CAMTA1: variants seen among roughly 807,000 people sequenced by gnomAD.
CAMTA1 encodes calmodulin-binding transcription activator 1.
In CAMTA1, 27 loss-of-function variants were observed where a neutral mutation model predicts 170.9. That is an observed-to-expected ratio of 0.16 (90% confidence interval 0.12 to 0.22). The LOEUF (loss-of-function observed/expected upper bound fraction) is 0.22. Ranked by LOEUF, CAMTA1 falls within the 10% of genes least tolerant of loss-of-function variation. The pLI is 1.00. For synonymous variants in CAMTA1, 833 were observed against 891.5 expected, an observed-to-expected ratio of 0.93 and a Z score of 1.17; for missense variants, 1,619 against 2,217.2, an observed-to-expected ratio of 0.73 and a Z score of 5.42.
In CAMTA1 at chr1:7,704,788, C is replaced by T. The variant is rs910261131; in HGVS notation, c.2914+27055C>T. The stretch of plus-strand genomic sequence containing the variant: ...TGCGGCGAGTGGAGCTGAGCGGGCG[C>T]GGGGCCGGGCTGGGCCGGGCCGGGC... On this transcript the variant is annotated intron_variant, in intron 11 of 22. Transcript: ENST00000303635. Among the ~76,000 whole-genome samples, 1,320 of 147,560 alleles carry T rather than the reference C, an allele frequency of 8.9e-3. 13 individuals carry two copies. The highest frequency in any genetic ancestry group is 0.029 in the African/African-American group (1,193 of 40,778).
At chr1:7,029,995 G>C (rs1702571980) in intron 3 of CAMTA1, among the ~76,000 whole-genome samples, 1 of 152,184 alleles carries the variant, frequency 6.6e-6, no homozygotes. Flanking sequence ...CCTTCAGTCT[G>C]TTTTGGTATG....
Position 7,732,513 on chromosome 1 carries a change from A to G in CAMTA1, c.2980A>G (p.Thr994Ala). 6.2e-7 allele frequency: 1 copy of G among 1,613,938 alleles called. No homozygotes were observed. ...GATGGAGAGGAGGATGGCCGAGATG[A>G]CGGGGTCCCAGCAGCACAAACAGGC... is the stretch of plus-strand genomic sequence containing the variant. ...EQMERRMAEMTGSQQHKQASG... is the reference protein window; with the variant it reads ...EQMERRMAEMAGSQQHKQASG... The change falls in exon 12 of 23, where the codon ACG becomes GCG. Residue 994 changes from threonine (T) to alanine (A), a missense_variant. This residue lies in a region of CAMTA1 where 143 missense variants were observed against 184.2 expected (regional missense o/e 0.78). Transcript: ENST00000303635. The surrounding 1 kb of genome is among the most constrained non-coding windows in gnomAD (Gnocchi z 4.1).
chr1:7,524,086 C>T (rs2094401757), intron 6 of CAMTA1, among the ~76,000 whole-genome samples: 1 of 151,554 alleles, frequency 6.6e-6, no homozygotes, highest in South Asian at 2.1e-4. Flanking sequence ...CCTGTAGTCC[C>T]AGCTACTTGG....
At chr1:7,449,400 C>T (rs955781784) in intron 5 of CAMTA1, among the ~76,000 whole-genome samples, 3 of 152,208 alleles carry the variant, frequency 2.0e-5, no homozygotes, top group Non-Finnish European at 2.9e-5. Flanking sequence ...GGCAAGGATG[C>T]TGGCAGCGTG....
Position 7,641,451 on chromosome 1 carries a change from A to T in CAMTA1, c.664+898A>T, listed in dbSNP as rs1271492108. Among the ~76,000 whole-genome samples the T allele has an allele frequency of 6.6e-6, 1 of 152,182 alleles. No homozygotes were observed. Among genetic ancestry groups the T allele is most frequent in the African/African-American group, 2.4e-5 (1 of 41,448 alleles). On this transcript the variant is annotated intron_variant, in intron 7 of 22. Transcript: ENST00000303635. This position sits in a 1 kb window ranked among gnomAD's most constrained non-coding sequence, Gnocchi z 4.5. ...AGGAAGCAGCTGTTGGTCACCATAT[A>T]CAGCGGGGGGACTGAAATATTCTTT... is the stretch of plus-strand genomic sequence containing the variant.
At chr1:7,236,023 C>G (rs1398935786) in intron 4 of CAMTA1, among the ~76,000 whole-genome samples, 1 of 152,122 alleles carries the variant, frequency 6.6e-6, no homozygotes, top group Non-Finnish European at 1.5e-5. Flanking sequence ...CCTTCTCTTC[C>G]CCCTCTTTTC....
intron 4 of CAMTA1, among the ~76,000 whole-genome samples, chr1:7,148,955 G>A (rs1478332452): frequency 1.3e-5 from 2 of 152,258 alleles, no homozygotes; most frequent in Admixed American, 1.3e-4. Context: ...GGAGCACAGA[G>A]AAGGCCTTGC....
Position 7,010,042 on chromosome 1 carries a change from C to G in CAMTA1, c.235-81262C>G, listed in dbSNP as rs1296684792. Among the ~76,000 whole-genome samples the G allele has an allele frequency of 6.6e-6, 1 of 152,174 alleles. No individual in the cohort carries two copies. Among genetic ancestry groups the G allele is most frequent in the Non-Finnish European group, 1.5e-5 (1 of 68,032 alleles). Reference sequence around the variant, plus strand: ...GAGCTGGCTGCTGAGGATTTACCAGCCCCTTTTGGTTACCAGGCTCAGGCA... The same window carrying G: ...GAGCTGGCTGCTGAGGATTTACCAGGCCCTTTTGGTTACCAGGCTCAGGCA... On this transcript the variant is annotated intron_variant, in intron 3 of 22. Coordinates refer to ENST00000303635, the MANE Select transcript of CAMTA1 (RefSeq NM_015215.4). The surrounding 1 kb of genome is among the most constrained non-coding windows in gnomAD (Gnocchi z 4.4).
chr1:7,512,365 A>T (rs1004483114), intron 6 of CAMTA1, among the ~76,000 whole-genome samples: 1 of 152,320 alleles, frequency 6.6e-6, no homozygotes, highest in South Asian at 2.1e-4. Flanking sequence ...GTGGTCCTGG[A>T]GGGATGACAA....
intron 5 of CAMTA1, among the ~76,000 whole-genome samples, chr1:7,281,535 A>G (rs1671504826): frequency 6.6e-6 from 1 of 152,232 alleles, no homozygotes; most frequent in Non-Finnish European, 1.5e-5. Flanking sequence ...GAAAACGAGC[A>G]TGTTCTTAAA....
chr1:6,961,922 T>C (rs1302350983), intron 3 of CAMTA1, among the ~76,000 whole-genome samples: 1 of 152,242 alleles, frequency 6.6e-6, no homozygotes, highest in South Asian at 2.1e-4. Flanking sequence ...AAGCCCCTTT[T>C]CCTGGGGAGG....
intron 6 of CAMTA1, among the ~76,000 whole-genome samples, chr1:7,538,035 G>A (rs2094568892): frequency 6.6e-6 from 1 of 152,120 alleles, no homozygotes; most frequent in South Asian, 2.1e-4. Flanking sequence ...AATGTGTTAC[G>A]ATCAGAGGCA....
chr1:6,815,809 T>G lies in CAMTA1; in HGVS notation c.46-4372T>G, dbSNP rs569702089. Among the ~76,000 whole-genome samples the G allele has an allele frequency of 2.6e-5, 4 of 152,300 alleles. No homozygotes were observed. The South Asian group carries it at 8.3e-4, about 32-fold the overall frequency. The stretch of plus-strand genomic sequence containing the variant: ...ACCTGGGGGCTTGTTAGAGGCAGAA[T>G]CTCAGGTTCTCCCTCAGACCTGTGA... On this transcript the variant is annotated intron_variant, in intron 1 of 22. Transcript: ENST00000303635.
At chr1:6,835,678 C>T (rs1652734682) in intron 3 of CAMTA1, among the ~76,000 whole-genome samples, 1 of 152,216 alleles carries the variant, frequency 6.6e-6, no homozygotes, top group African/African-American at 2.4e-5. Context: ...CTTCACTGGA[C>T]TGTAGGCTCA....
chr1:7,276,303 A>ATATATTTTTTTTTTTTTTTTT, intron 5 of CAMTA1, among the ~76,000 whole-genome samples: 10 of 24,228 alleles, frequency 4.1e-4, no homozygotes, highest in African/African-American at 1.2e-3. Flanking sequence ...ATATATATAT[A>ATATATTTTTTTTTTTTTTTTT]TTTTTTTTTT....
At chr1:6,822,284 T>G (rs1287632640) in intron 2 of CAMTA1, among the ~76,000 whole-genome samples, 1 of 152,182 alleles carries the variant, frequency 6.6e-6, no homozygotes, top group Non-Finnish European at 1.5e-5. Context: ...AAAGCAGATT[T>G]TAATTTAAAA....
At chr1:7,347,351 G>A (rs779348120) in intron 5 of CAMTA1, among the ~76,000 whole-genome samples, 27 of 152,148 alleles carry the variant, frequency 1.8e-4, no homozygotes, top group East Asian at 1.9e-4. Context: ...AGAGTGGTCC[G>A]GTGCCCAGGC....
At chr1:6,793,295 A>G (rs1542899) in intron 1 of CAMTA1, among the ~76,000 whole-genome samples, 12,358 of 152,250 alleles carry the variant, frequency 0.081, 733 homozygotes, top group East Asian at 0.26. Flanking sequence ...TCAGCAGACC[A>G]TGCAGTATCT....
chr1:6,957,265 G>C (rs548986401), intron 3 of CAMTA1, among the ~76,000 whole-genome samples: 2 of 152,176 alleles, frequency 1.3e-5, no homozygotes, highest in Non-Finnish European at 2.9e-5. Context: ...CTGACACTGG[G>C]GGCCCTGCTG....
Sources: gnomAD v4.1 joint callset for allele counts (sites outside exome capture counted in the v4.1 genomes callset) on GRCh38, gnomAD v4.1.1 for gene constraint, gnomAD v4.1.1 regional missense constraint, Gnocchi (gnomAD v3.1) non-coding constraint, MANE v1.5 for transcripts, NCBI Gene and HGNC (gene_info 2026-07-23, HGNC 2026-07-21) for gene names.